Variants in NLGN2 observed in about 807,000 individuals in gnomAD.
The protein encoded by NLGN2 is neuroligin 2.
A neutral mutation model predicts 48.6 loss-of-function variants in NLGN2; 11 were observed. That is an observed-to-expected ratio of 0.23 (90% CI 0.14 to 0.37). The LOEUF (loss-of-function observed/expected upper bound fraction) is 0.37, where lower values mean the gene tolerates loss of function less well. Among genes scored for constraint, NLGN2 ranks in the 10% least tolerant of loss-of-function variants. NLGN2 has a pLI of 1.00. For synonymous variants in NLGN2, 548 were observed against 550.0 expected (o/e 1.00, Z 0.05); for missense variants, 801 against 1,225.2 (o/e 0.65, Z 5.17).
chr17:7,415,551 G>T lies in NLGN2; in HGVS notation c.1078G>T (p.Val360Phe). ...TGGGCCCGTGGTGGATGGCGACGTG[G>T]TCCCCGATGACCCTGAGATCCTCAT... ...AFGPVVDGDV[V>F]PDDPEILMQQ... Residue 360 changes from valine (V) to phenylalanine (F), a missense_variant, in exon 6 of 7, where the codon GTC (valine) becomes TTC (phenylalanine). This residue lies in a region of NLGN2 where 303 missense variants were observed against 600.1 expected (regional missense o/e 0.50). Transcript: ENST00000302926. 6.2e-7 allele frequency: 1 copy of T among 1,614,252 alleles called. No homozygotes were observed. Among genetic ancestry groups the T allele is most frequent in the Non-Finnish European group, 8.5e-7 (1 of 1,180,042 alleles).
Position 7,417,412 on chromosome 17 carries a change from G to A in NLGN2, c.2121G>A (p.Leu707=), listed in dbSNP as rs139407430. The part of the protein sequence containing the change: ...LYYKRDRRQE[L]RCRRLSPPGG... ...ACAAGCGGGACCGGCGGCAGGAGCT[G>A]CGGTGCAGGCGGCTTAGCCCACCTG... Residue 707 remains leucine (L), a synonymous_variant, in exon 7 of 7, where the codon CTG becomes CTA. Coordinates refer to ENST00000302926, the MANE Select transcript of NLGN2 (RefSeq NM_020795.4). 2 of 1,607,702 alleles carry A rather than the reference G, an allele frequency of 1.2e-6. No homozygotes were observed. Among genetic ancestry groups the A allele is most frequent in the Admixed American group, 1.7e-5 (1 of 59,666 alleles).
chr17:7,416,529 A>G (rs763096937), intron 6 of NLGN2, among the ~76,000 whole-genome samples: 1 of 151,966 alleles, frequency 6.6e-6, no homozygotes, highest in Non-Finnish European at 1.5e-5. Context: ...TTGTCTGCTT[A>G]CTTTTCGCTT....
At chr17:7,416,777 G>C (rs1907116175) in intron 6 of NLGN2, 149 bp from the exon 7 acceptor site, 4 of 943,022 alleles carry the variant, frequency 4.2e-6, no homozygotes, top group Middle Eastern at 3.1e-4. Context: ...ATATCCATCT[G>C]TGTCTCTCTG....
In NLGN2 at chr17:7,417,537, G is replaced by A. The variant is rs763536985; in HGVS notation, c.2246G>A (p.Arg749Gln). The A allele has an allele frequency of 1.2e-5, 18 of 1,478,454 alleles. No individual in the cohort carries two copies. Among genetic ancestry groups the A allele is most frequent in the African/African-American group, 5.7e-5 (4 of 69,826 alleles). 91.6% of individuals were successfully genotyped at this position (1,478,454 alleles called of 1,614,324 possible). A position where few individuals can be genotyped will look rare whatever the true frequency, so the allele number is the denominator to read the frequency against. ...GAGCTGGTGTCACTGCAGCTGAAGC[G>A]GGGTGGTGGCGTCGGGGCGGACCCT... The part of the protein sequence containing the change: ...EEELVSLQLK[R>Q]GGGVGADPAE... The change falls in exon 7 of 7, where the codon CGG becomes CAG. Residue 749 changes from arginine (R) to glutamine (Q), a missense_variant. By Grantham distance (43) the Arg-to-Gln change is conservative. Around this residue, in one of 5 missense-constraint regions of NLGN2, gnomAD observed 276 missense variants for 313.9 expected, o/e 0.88. Transcript: ENST00000302926.
rs945150171 is a variant in NLGN2, at chr17:7,413,979, G to C, written c.509-365G>C. Among the ~76,000 whole-genome samples, 7 of 152,150 alleles carry C rather than the reference G, an allele frequency of 4.6e-5. No homozygotes were observed. Among genetic ancestry groups the C allele is most frequent in the Non-Finnish European group, 7.4e-5 (5 of 68,014 alleles). On this transcript the variant is annotated intron_variant, in intron 2 of 6. Transcript: ENST00000302926. This position sits in a 1 kb window ranked among gnomAD's most constrained non-coding sequence, Gnocchi z 4.9. ...TCCAGCTCCAGTTCTAGCCTCGGGAGCTTGCTCTTCCCAGGGACAGGAAGG... is the reference window on the plus strand; with the variant it reads ...TCCAGCTCCAGTTCTAGCCTCGGGACCTTGCTCTTCCCAGGGACAGGAAGG...
At chr17:7,412,347 A>C (rs1475909374) in intron 2 of NLGN2, 140 bp downstream of exon 2, 9 of 704,960 alleles carry the variant, frequency 1.3e-5, no homozygotes, top group Non-Finnish European at 1.7e-5. Flanking sequence ...AGAAAAGAAA[A>C]ATGTTTAATA....
Position 7,413,797 on chromosome 17 carries a change from G to T in NLGN2, c.509-547G>T, listed in dbSNP as rs776181959. 6.6e-6 allele frequency among the ~76,000 whole-genome samples: 1 copy of T among 152,012 alleles called. No individual in the cohort carries two copies. The highest frequency in any genetic ancestry group is 1.5e-5 in the Non-Finnish European group (1 of 67,964). On this transcript the variant is annotated intron_variant, in intron 2 of 6. Coordinates refer to ENST00000302926, the MANE Select transcript of NLGN2 (RefSeq NM_020795.4). This position sits in a 1 kb window ranked among gnomAD's most constrained non-coding sequence, Gnocchi z 4.9. ...AGGTGACCTAGAAAGGAATTAGGGC[G>T]GGGAGGAGACCAAGCCCCAGGGACC...
At chr17:7,412,594 C>T in intron 2 of NLGN2, among the ~76,000 whole-genome samples, 1 of 151,912 alleles carries the variant, frequency 6.6e-6, no homozygotes. Context: ...GAAATTGGAA[C>T]AAAACAACAG....
Position 7,408,403 on chromosome 17 carries a change from C to T in NLGN2, c.148C>T (p.Arg50Ter), listed in dbSNP as rs1408970673. 1 of 1,557,138 alleles carries T rather than the reference C, an allele frequency of 6.4e-7. No homozygotes were observed. The stretch of plus-strand genomic sequence containing the variant: ...CCCGGTGGTGAACACGGCCTACGGG[C>T]GAGTGCGCGGTGTGCGGCGCGAGCT... ...RFPVVNTAYG[R>*]VRGVRRELNN... is the part of the protein sequence containing the mutation. The change falls in exon 1 of 7, where the codon CGA becomes TGA. Residue 50 changes from arginine (R) to a stop codon, truncating the protein, a stop_gained. Coordinates refer to ENST00000302926, the MANE Select transcript of NLGN2 (RefSeq NM_020795.4). LOFTEE classifies it high-confidence loss of function. The surrounding 1 kb of genome is among the most constrained non-coding windows in gnomAD (Gnocchi z 7.5).
upstream of NLGN2, among the ~76,000 whole-genome samples, chr17:7,406,505 G>A (rs1054932419): frequency 1.3e-5 from 2 of 152,148 alleles, no homozygotes; most frequent in African/African-American, 4.8e-5. Flanking sequence ...GAAGCTGAAA[G>A]GCAGGGGGCA....
chr17:7,417,299 C>T lies in NLGN2; in HGVS notation c.2008C>T (p.Arg670Trp). 6.2e-7 allele frequency: 1 copy of T among 1,605,256 alleles called. No individual in the cohort carries two copies. Among genetic ancestry groups the T allele is most frequent in the East Asian group, 2.3e-5 (1 of 44,022 alleles). The change falls in exon 7 of 7, where the codon CGG (arginine) becomes TGG (tryptophan). Residue 670 changes from arginine to tryptophan, a missense_variant. Arg to Trp is a moderately radical substitution (Grantham distance 101). This residue lies in a region of NLGN2 where 276 missense variants were observed against 313.9 expected (regional missense o/e 0.88). Transcript: ENST00000302926. Reference protein sequence around the residue: ...RAYDRFPGDSRDYSTELSVTV... With the variant: ...RAYDRFPGDSWDYSTELSVTV... The stretch of plus-strand genomic sequence containing the variant: ...CTATGACCGCTTCCCCGGGGACTCA[C>T]GGGACTACTCCACGGAGCTGAGCGT...
At position 7,413,729 on chromosome 17, in the gene NLGN2, C is replaced by T. The variant is rs1159174922; in HGVS notation, c.509-615C>T. Among the ~76,000 whole-genome samples, 1 of 152,096 alleles carries T rather than the reference C, an allele frequency of 6.6e-6. No homozygotes were observed. Among genetic ancestry groups the T allele is most frequent in the East Asian group, 1.9e-4 (1 of 5,184 alleles). On this transcript the variant is annotated intron_variant, in intron 2 of 6. Coordinates refer to ENST00000302926, the MANE Select transcript of NLGN2 (RefSeq NM_020795.4). This position sits in a 1 kb window ranked among gnomAD's most constrained non-coding sequence, Gnocchi z 4.9. ...CTTCATTAAGCAGGCTCTTCCTCCT[C>T]CTGCCACAGTAATTAGGCTGGGGGT...
At position 7,410,107 on chromosome 17, in the gene NLGN2, A is replaced by C. The variant is rs553658943; in HGVS notation, c.457+1395A>C. 4.0e-4 allele frequency among the ~76,000 whole-genome samples: 61 copies of C among 152,052 alleles called. 2 individuals are homozygous for C. In the South Asian group the frequency reaches 0.01, roughly 25 times the overall value. The stretch of plus-strand genomic sequence containing the variant: ...CATCTGCACCGGACCTCAGGTGGTG[A>C]AAACACATCCGGCAAGCTTGCACCC... On this transcript the variant is annotated intron_variant, in intron 1 of 6. Coordinates refer to ENST00000302926, the MANE Select transcript of NLGN2 (RefSeq NM_020795.4).
At chr17:7,406,777 G>A (rs1906664289), upstream of NLGN2, among the ~76,000 whole-genome samples, 1 of 152,120 alleles carries the variant, frequency 6.6e-6, no homozygotes, top group East Asian at 1.9e-4. Flanking sequence ...GGGTGGCAAG[G>A]GGAAGGGTAG....
rs1444975586 is a variant in NLGN2, at chr17:7,417,701, C to T, written c.2410C>T (p.Pro804Ser). 1.5e-6 allele frequency: 2 copies of T among 1,324,736 alleles called. No homozygotes were observed. Among genetic ancestry groups the T allele is most frequent in the Non-Finnish European group, 9.7e-7 (1 of 1,029,596 alleles). 82.1% of individuals were successfully genotyped at this position (1,324,736 alleles called of 1,614,324 possible). The change falls in exon 7 of 7, where the codon CCC becomes TCC. Residue 804 changes from proline (P) to serine (S), a missense_variant. Pro to Ser is a moderately conservative substitution (Grantham distance 74). Transcript: ENST00000302926. ...GGGGCCACCGCCACCCCCACCGCCC[C>T]CCTCCCTTCATCCCTTCGGGCCCTT... ...GLGPPPPPPP[P>S]SLHPFGPFPP...
rs1217326763 is a variant in NLGN2 at position 7,411,300 on chromosome 17, C to T, written c.458-857C>T. Among the ~76,000 whole-genome samples the T allele has an allele frequency of 3.3e-5, 5 of 152,072 alleles. No homozygotes were observed. Among genetic ancestry groups the T allele is most frequent in the Non-Finnish European group, 7.4e-5 (5 of 68,016 alleles). ...GCTGGTGGCCCTGGTGGGAAATTCA[C>T]CATTTTGGGGGGAGGAGAGGAAGCC... is the stretch of plus-strand genomic sequence containing the variant. On this transcript the variant is annotated intron_variant, in intron 1 of 6. Transcript: ENST00000302926. This position sits in a 1 kb window ranked among gnomAD's most constrained non-coding sequence, Gnocchi z 4.5.
intron 4 of NLGN2, 53 bp from the exon 5 acceptor site, chr17:7,414,903 T>C: frequency 6.2e-7 from 1 of 1,613,176 alleles, no homozygotes; most frequent in East Asian, 2.2e-5. Flanking sequence ...AACTCCCCCC[T>C]CTCCTTCAGG....
rs531964911 is a variant in NLGN2, at chr17:7,413,876, C to G, written c.509-468C>G. On this transcript the variant is annotated intron_variant, in intron 2 of 6. Transcript: ENST00000302926. The surrounding 1 kb of genome is among the most constrained non-coding windows in gnomAD (Gnocchi z 4.9). The stretch of plus-strand genomic sequence containing the variant: ...CAGGGACCCTAGGCCTGGCACCCCT[C>G]ACCCACCGACCAGGGTGCCATGTGG... Among the ~76,000 whole-genome samples, 1 of 152,062 alleles carries G rather than the reference C, an allele frequency of 6.6e-6. No individual in the cohort carries two copies. The highest frequency in any genetic ancestry group is 2.4e-5 in the African/African-American group (1 of 41,412).
upstream of NLGN2, among the ~76,000 whole-genome samples, chr17:7,407,521 G>A (rs1028128599): frequency 2.0e-5 from 3 of 152,198 alleles, no homozygotes; most frequent in Non-Finnish European, 4.4e-5. Context: ...CAGCTCAGGA[G>A]TAATTAACAC....
Sources: gnomAD v4.1 joint callset for allele counts (sites outside exome capture counted in the v4.1 genomes callset) on GRCh38, gnomAD v4.1.1 for gene constraint, gnomAD v4.1.1 regional missense constraint, Gnocchi (gnomAD v3.1) non-coding constraint, MANE v1.5 for transcripts, NCBI Gene and HGNC (gene_info 2026-07-23, HGNC 2026-07-21) for gene names.